The following DMD variants were observed in gnomAD, a reference collection of about 807,000 sequenced individuals.
DMD encodes mutant dystrophin.
Under a neutral mutation model 330.1 loss-of-function variants are expected in DMD, and 63 were observed. The observed-to-expected ratio is 0.19, with a 90% CI of 0.16 to 0.24. DMD has a LOEUF of 0.24. Ranked by LOEUF, DMD falls within the 10% of genes least tolerant of loss-of-function variation. The probability of loss-of-function intolerance (pLI) is 1.00; values close to 1 mark genes in which losing one functional copy is unlikely to be tolerated. For missense variants in DMD, 3,344 were observed against 2,684.1 expected (o/e 1.25, Z -5.43); for synonymous variants, 1,223 against 959.8 (o/e 1.27, Z -5.07).
At chrX:32,543,416 G>T (rs943599360) in intron 17 of DMD, among the ~76,000 whole-genome samples, 2 of 110,305 alleles carry the variant, frequency 1.8e-5, no homozygotes, top group Non-Finnish European at 3.8e-5. Flanking sequence ...GAATCAGCTT[G>T]CTCTGTTAAT....
At chrX:31,874,802 A>G in intron 48 of DMD, among the ~76,000 whole-genome samples, 1 of 110,901 alleles carries the variant, frequency 9.0e-6, no homozygotes, top group South Asian at 3.9e-4. Flanking sequence ...ATTCTCCACC[A>G]TTCCCCAAGG....
intron 44 of DMD, among the ~76,000 whole-genome samples, chrX:32,149,446 T>C (rs1265310511): frequency 1.8e-5 from 2 of 112,268 alleles, no homozygotes; most frequent in African/African-American, 6.5e-5. Flanking sequence ...ATGAGATAAG[T>C]AGCATTATTG....
At chrX:32,742,280 C>T (rs981222840) in intron 7 of DMD, among the ~76,000 whole-genome samples, 1 of 111,690 alleles carries the variant, frequency 9.0e-6, no homozygotes, top group South Asian at 3.7e-4. Context: ...GTGTTTATTC[C>T]GTTCTAAAAT....
rs766964121 is a variant in DMD at position 31,444,875 on chromosome X, C to T, written c.8938-248G>A. ...TTAGGGAGGTGATTTTTGGGATTAG[C>T]GCCCTTATAAAAGAGACCTCAGAGA... On this transcript the variant is annotated intron_variant, in intron 59 of 78. Transcript: ENST00000357033. Among the ~76,000 whole-genome samples, 3 of 110,909 alleles carry T rather than the reference C, an allele frequency of 2.7e-5. No homozygotes were observed. The South Asian group carries it at 1.2e-3, about 43-fold the overall frequency.
chrX:31,417,291 C>CT (rs1157288428), intron 60 of DMD, among the ~76,000 whole-genome samples: 2 of 109,126 alleles, frequency 1.8e-5, no homozygotes, highest in Admixed American at 9.7e-5. Context: ...TTCTTTTTTT[C>CT]TTTTTTTTCT....
intron 7 of DMD, among the ~76,000 whole-genome samples, chrX:32,706,044 T>C (rs1405040119): frequency 2.8e-5 from 3 of 107,268 alleles, no homozygotes; most frequent in Admixed American, 1.0e-4. Flanking sequence ...TACTATGCAG[T>C]CATAAAAAAG....
intron 50 of DMD, among the ~76,000 whole-genome samples, chrX:31,798,620 A>T: frequency 9.0e-6 from 1 of 110,736 alleles, no homozygotes; most frequent in Admixed American, 9.6e-5. Context: ...GACAACAGAC[A>T]CTCTGGGAGT....
chrX:32,826,523 AG>A (rs2078706091), intron 4 of DMD, among the ~76,000 whole-genome samples: 1 of 111,936 alleles, frequency 8.9e-6, no homozygotes, highest in Non-Finnish European at 1.9e-5. Flanking sequence ...GGACTTAAAA[AG>A]CAGAGAATCC....
At chrX:31,916,609 C>T (rs1486140472) in intron 47 of DMD, among the ~76,000 whole-genome samples, 7 of 111,681 alleles carry the variant, frequency 6.3e-5, no homozygotes, top group African/African-American at 2.0e-4. Context: ...TGGCCACTTA[C>T]TCTGTATCAG....
intron 7 of DMD, among the ~76,000 whole-genome samples, chrX:32,768,800 G>A (rs1302668435): frequency 1.8e-5 from 2 of 112,048 alleles, no homozygotes; most frequent in Non-Finnish European, 3.8e-5. Context: ...CTATGGCAGA[G>A]ACAGGCTGTC....
chrX:33,335,107 C>T (rs770702515), intron 1 of DMD, among the ~76,000 whole-genome samples: 12 of 110,179 alleles, frequency 1.1e-4, no homozygotes, highest in Non-Finnish European at 2.1e-4. Flanking sequence ...TTTTCTAGTA[C>T]TTTCCATGCC....
At chrX:32,692,732 G>C (rs753837129) in intron 9 of DMD, among the ~76,000 whole-genome samples, 6 of 111,867 alleles carry the variant, frequency 5.4e-5, no homozygotes, top group Non-Finnish European at 9.4e-5. Flanking sequence ...CAGGTTGTGA[G>C]TTTGTTTATA....
chrX:31,281,320 G>A (rs937347919), intron 62 of DMD, among the ~76,000 whole-genome samples: 4 of 111,399 alleles, frequency 3.6e-5, no homozygotes, highest in African/African-American at 9.8e-5. Context: ...AAAATGTGGT[G>A]TAAAATCCTA....
At chrX:33,294,315 A>T (rs1388391665) in intron 1 of DMD, among the ~76,000 whole-genome samples, 1 of 111,363 alleles carries the variant, frequency 9.0e-6, no homozygotes, top group Admixed American at 9.7e-5. Flanking sequence ...GACAGCATCC[A>T]TGGAGCCCCT....
At chrX:31,657,156 C>T (rs188647676) in intron 54 of DMD, among the ~76,000 whole-genome samples, 2 of 111,214 alleles carry the variant, frequency 1.8e-5, no homozygotes, top group South Asian at 3.8e-4. Flanking sequence ...TATTTTTCAC[C>T]GTGGTCTTCC....
At chrX:32,753,064 C>G (rs1347284379) in intron 7 of DMD, among the ~76,000 whole-genome samples, 1 of 110,953 alleles carries the variant, frequency 9.0e-6, no homozygotes, top group Non-Finnish European at 1.9e-5. Context: ...AACACCTTTC[C>G]ATCCCCACCT....
At chrX:31,598,343 C>T (rs1420622997) in intron 55 of DMD, among the ~76,000 whole-genome samples, 1 of 111,118 alleles carries the variant, frequency 9.0e-6, no homozygotes, top group Non-Finnish European at 1.9e-5. Context: ...AGACTGGTCT[C>T]GAACTCCTGG....
chrX:32,004,766 A>C (rs1353706795), intron 44 of DMD, among the ~76,000 whole-genome samples: 1 of 111,564 alleles, frequency 9.0e-6, no homozygotes, highest in African/African-American at 3.3e-5. Flanking sequence ...TTCAACAGAA[A>C]GAGTGCTCCA....
At chrX:31,289,404 G>A (rs1022293450) in intron 62 of DMD, among the ~76,000 whole-genome samples, 1 of 110,183 alleles carries the variant, frequency 9.1e-6, no homozygotes, top group Admixed American at 9.7e-5. Flanking sequence ...TGTAAATGGA[G>A]TACAAATTCT....
Sources: allele counts gnomAD v4.1 joint callset (sites outside exome capture counted in the v4.1 genomes callset), GRCh38; gene constraint gnomAD v4.1.1; transcripts MANE v1.5; gene names NCBI Gene and HGNC (gene_info 2026-07-23, HGNC 2026-07-21).